The following MTRR variants were observed in gnomAD, a reference collection of about 807,000 sequenced individuals.
MTRR encodes the protein 5-methyltetrahydrofolate-homocysteine methyltransferase reductase.
MTRR carries 63 observed loss-of-function variants against 79.2 expected under a neutral mutation model. That is an observed-to-expected ratio of 0.80 (90% CI 0.65 to 0.98). The LOEUF is 0.98. MTRR is among the 50% of genes least tolerant of loss of function. The pLI, the probability that MTRR is intolerant of heterozygous loss-of-function variation, is 0.00. For synonymous variants in MTRR, 355 were observed against 313.3 expected, an observed-to-expected ratio of 1.13 and a Z score of -1.41; for missense variants, 895 against 839.6, an observed-to-expected ratio of 1.07 and a Z score of -0.82.
At chr5:7,886,856 A>G (rs78948994) in intron 8 of MTRR, among the ~76,000 whole-genome samples, 153 bp downstream of exon 8, 39 of 152,214 alleles carry the variant, frequency 2.6e-4, no homozygotes, top group African/African-American at 9.4e-4. Context: ...GGTGTGTGCT[A>G]TCATCGTAAC....
In MTRR at chr5:7,892,199, G is replaced by A. The variant is rs1274549286; in HGVS notation, c.1371-528G>A. Among the ~76,000 whole-genome samples, 7 of 152,108 alleles carry A rather than the reference G, an allele frequency of 4.6e-5. No homozygotes were observed. In the East Asian group the frequency reaches 1.3e-3, roughly 29 times the overall value. On this transcript the variant is annotated intron_variant, in intron 10 of 14. Coordinates refer to ENST00000440940, the MANE Select transcript of MTRR (RefSeq NM_002454.3). ...GTGCACCATTCTTTTGGTTGAAAGG[G>A]GAATTAAGAATGAACTCAAGTTCTT...
At chr5:7,875,005 T>C (rs1748631658) in intron 3 of MTRR, among the ~76,000 whole-genome samples, 1 of 152,210 alleles carries the variant, frequency 6.6e-6, no homozygotes, top group Non-Finnish European at 1.5e-5. Context: ...GAGATGAAAA[T>C]GTGAAGTCTT....
At chr5:7,864,091 T>C (rs1579545180) in intron 2 of MTRR, among the ~76,000 whole-genome samples, 1 of 152,190 alleles carries the variant, frequency 6.6e-6, no homozygotes, top group African/African-American at 2.4e-5. Flanking sequence ...CCTCAGGTGA[T>C]CCACCCGCCT....
intron 5 of MTRR, among the ~76,000 whole-genome samples, chr5:7,879,686 G>C (rs561750481): frequency 6.6e-6 from 1 of 152,250 alleles, no homozygotes; most frequent in African/African-American, 2.4e-5. Context: ...GGCACAGAGG[G>C]GTTGGAAGCA....
chr5:7,881,070 C>T (rs971393186), intron 5 of MTRR, among the ~76,000 whole-genome samples: 2 of 152,102 alleles, frequency 1.3e-5, no homozygotes, highest in African/African-American at 4.8e-5. Flanking sequence ...GGCAAAGGAT[C>T]GTTTTTATTG....
At chr5:7,877,228 C>T (rs549339952) in intron 4 of MTRR, among the ~76,000 whole-genome samples, 3 of 152,182 alleles carry the variant, frequency 2.0e-5, no homozygotes, top group Non-Finnish European at 2.9e-5. Flanking sequence ...TTAAACTTCT[C>T]TGTTCAGGGA....
At chr5:7,887,786 G>T (rs1736768317) in intron 8 of MTRR, among the ~76,000 whole-genome samples, 1 of 93,950 alleles carries the variant, frequency 1.1e-5, no homozygotes, top group Non-Finnish European at 1.9e-5. Context: ...TTGTGTGTGT[G>T]TGTGTGCATA....
At chr5:7,875,080 A>G (rs1748645651) in intron 3 of MTRR, 178 bp from the exon 4 acceptor site, 1 of 612,550 alleles carries the variant, frequency 1.6e-6, no homozygotes, top group Non-Finnish European at 2.9e-6. Context: ...ATTGTAAAAT[A>G]GAAGAAAACT....
At chr5:7,885,477 TA>T (rs1355535286) in intron 6 of MTRR, among the ~76,000 whole-genome samples, 1 of 152,108 alleles carries the variant, frequency 6.6e-6, no homozygotes, top group African/African-American at 2.4e-5. Context: ...ACTGGGTAAC[TA>T]CCAGATTTCG....
rs1737824362 is a variant in MTRR, at chr5:7,892,757, T to C, written c.1401T>C (p.His467=). The C allele has an allele frequency of 1.2e-6, 2 of 1,614,228 alleles. No homozygotes were observed. Among genetic ancestry groups the C allele is most frequent in the African/African-American group, 1.3e-5 (1 of 75,064 alleles). The change falls in exon 11 of 15, where the codon CAT becomes CAC. Residue 467 remains histidine, a synonymous_variant. Coordinates refer to ENST00000440940, the MANE Select transcript of MTRR (RefSeq NM_002454.3). ...SSSLFHPGKL[H]FVFNIVEFLS... ...GTTTATTTCACCCAGGAAAGCTCCA[T>C]TTTGTCTTCAACATTGTGGAATTTC...
At chr5:7,864,146 C>T (rs754944910), upstream of MTRR, among the ~76,000 whole-genome samples, 5 of 152,152 alleles carry the variant, frequency 3.3e-5, no homozygotes, top group Middle Eastern at 3.4e-3. Context: ...CCACTGCGCA[C>T]GGCAAGAGTA....
At chr5:7,862,764 T>C in intron 2 of MTRR, 1 of 1,419,600 alleles carries the variant, frequency 7.0e-7, no homozygotes, top group Non-Finnish European at 9.7e-7. Context: ...GTCCCATATA[T>C]CTCCAAAATC....
intron 6 of MTRR, chr5:7,885,324 T>C: frequency 4.7e-6 from 1 of 213,194 alleles, no homozygotes. Context: ...TCATAATGTA[T>C]GTTTTCGTGT....
intron 1 of MTRR, among the ~76,000 whole-genome samples, chr5:7,855,785 A>C (rs915944224): frequency 3.9e-5 from 6 of 152,210 alleles, no homozygotes; most frequent in Admixed American, 3.3e-4. Flanking sequence ...AACTCCACCC[A>C]CACACTGTGA....
In MTRR at chr5:7,885,654, TA is replaced by T. The variant is rs574786145; in HGVS notation, c.904-45del. The T allele has an allele frequency of 1.3e-3, 2,015 of 1,562,456 alleles. 40 individuals are homozygous for T. The South Asian group carries it at 0.021, about 17-fold the overall frequency. On this transcript the variant is annotated intron_variant, in intron 6 of 14. Coordinates refer to ENST00000440940, the MANE Select transcript of MTRR (RefSeq NM_002454.3). ...TTGTTACCCTACAGCTTAAACTATGTAACACGTATAATGTATTTTTTTTTTT... is the reference window on the plus strand; with the variant it reads ...TTGTTACCCTACAGCTTAAACTATGTACACGTATAATGTATTTTTTTTTTT...
At position 7,883,496 on chromosome 5, in the gene MTRR, TAC is replaced by T; in HGVS notation, c.903+221_903+222del. 2.2e-5 allele frequency among the ~76,000 whole-genome samples: 3 copies of T among 139,062 alleles called. No individual in the cohort carries two copies. In the Middle Eastern group the frequency reaches 0.011, roughly 508 times the overall value. 91.2% of individuals were successfully genotyped at this position (139,062 alleles called of 152,430 possible). A position where few individuals can be genotyped will look rare whatever the true frequency, so the allele number is the denominator to read the frequency against. On this transcript the variant is annotated intron_variant, in intron 6 of 14. Coordinates refer to ENST00000440940, the MANE Select transcript of MTRR (RefSeq NM_002454.3). ...TATGCTGAGTTGTGTGGTGCTTGGT[TAC>T]ATATGCTGAGTTGTGTGGTGCTTGG...
At chr5:7,876,374 T>G (rs1219675240) in intron 4 of MTRR, among the ~76,000 whole-genome samples, 1 of 152,244 alleles carries the variant, frequency 6.6e-6, no homozygotes, top group Non-Finnish European at 1.5e-5. Context: ...ATGCTCAGTC[T>G]TGTATGAGCT....
chr5:7,887,799 T>TAC lies in MTRR; in HGVS notation c.1146+1097_1146+1098insCA, dbSNP rs1356421368. Among the ~76,000 whole-genome samples the TAC allele has an allele frequency of 6.4e-3, 224 of 35,210 alleles. 29 individuals carry two copies. The highest frequency in any genetic ancestry group is 0.02 in the African/African-American group (200 of 10,118). The allele number at this position is 35,210 out of a possible 152,430, so 23.1% of individuals were successfully genotyped here. The stretch of plus-strand genomic sequence containing the variant: ...ATTTGTGTGTGTGTGTGTGCATATA[T>TAC]ATATATATATATATATATATATATA... On this transcript the variant is annotated intron_variant, in intron 8 of 14. Transcript: ENST00000440940.
chr5:7,867,153 C>T, upstream of MTRR: 1 of 1,614,118 alleles, frequency 6.2e-7, no homozygotes, highest in South Asian at 1.1e-5. Flanking sequence ...AGAGGAAATG[C>T]TTGACTTTGA....
Sources: allele counts gnomAD v4.1 joint callset (sites outside exome capture counted in the v4.1 genomes callset), GRCh38; gene constraint gnomAD v4.1.1; transcripts MANE v1.5; gene names NCBI Gene and HGNC (gene_info 2026-07-23, HGNC 2026-07-21).